The following GPC5 variants were observed in gnomAD, a reference collection of about 807,000 sequenced individuals.
GPC5 encodes the protein glypican-5.
In GPC5, 47 loss-of-function variants were observed where a neutral mutation model predicts 53.9. The observed-to-expected ratio is 0.87, with a 90% CI of 0.69 to 1.11. GPC5 has a LOEUF of 1.11. Ranked by LOEUF, GPC5 falls within the 50% of genes most tolerant of loss-of-function variation. The probability of loss-of-function intolerance (pLI) is 0.00; values close to 1 mark genes in which losing one functional copy is unlikely to be tolerated. For missense variants in GPC5, 748 were observed against 713.1 expected, an observed-to-expected ratio of 1.05 and a Z score of -0.56; for synonymous variants, 286 against 263.3, an observed-to-expected ratio of 1.09 and a Z score of -0.84.
intron 5 of GPC5, among the ~76,000 whole-genome samples, chr13:91,828,686 A>C (rs780886761): frequency 6.6e-6 from 1 of 152,072 alleles, no homozygotes; most frequent in Non-Finnish European, 1.5e-5. Context: ...AAACTGAAGA[A>C]GCTCCAAATG....
At chr13:91,959,524 A>G (rs2040107206) in intron 6 of GPC5, among the ~76,000 whole-genome samples, 1 of 151,998 alleles carries the variant, frequency 6.6e-6, no homozygotes, top group Non-Finnish European at 1.5e-5. Context: ...GGAGGAAGGA[A>G]TTCTCCTTAA....
At chr13:92,592,185 C>T (rs1381669600) in intron 7 of GPC5, among the ~76,000 whole-genome samples, 4 of 152,148 alleles carry the variant, frequency 2.6e-5, no homozygotes, top group Admixed American at 6.5e-5. Flanking sequence ...ATCCACATCC[C>T]CTCCTAGCTG....
intron 7 of GPC5, among the ~76,000 whole-genome samples, chr13:92,478,942 T>A: frequency 6.6e-6 from 1 of 152,212 alleles, no homozygotes; most frequent in East Asian, 1.9e-4. Context: ...ACTCTGCCTC[T>A]GACTAGCAAT....
intron 7 of GPC5, among the ~76,000 whole-genome samples, chr13:92,604,027 G>C (rs902498101): frequency 6.6e-6 from 1 of 152,166 alleles, no homozygotes; most frequent in Non-Finnish European, 1.5e-5. Flanking sequence ...TCAAAAAGAA[G>C]AGAAGAATGT....
At chr13:92,293,546 T>C (rs1331727384) in intron 7 of GPC5, among the ~76,000 whole-genome samples, 2 of 151,928 alleles carry the variant, frequency 1.3e-5, no homozygotes, top group Non-Finnish European at 1.5e-5. Context: ...ATTAATTTTG[T>C]ATCCAGAGAC....
chr13:92,612,865 T>C (rs970115253), intron 7 of GPC5, among the ~76,000 whole-genome samples: 1 of 152,126 alleles, frequency 6.6e-6, no homozygotes, highest in Non-Finnish European at 1.5e-5. Flanking sequence ...AAAAGATGGA[T>C]ATGTAATTAA....
At chr13:92,407,760 A>G (rs1319345936) in intron 7 of GPC5, among the ~76,000 whole-genome samples, 1 of 152,162 alleles carries the variant, frequency 6.6e-6, no homozygotes, top group Non-Finnish European at 1.5e-5. Flanking sequence ...CTAATATAAA[A>G]TATTAAGACA....
At chr13:92,721,633 G>C (rs888607134) in intron 7 of GPC5, 9 of 152,180 alleles carry the variant, frequency 5.9e-5, no homozygotes, top group African/African-American at 1.9e-4. Context: ...GCTAGGCTTA[G>C]AAAGGAACTA....
chr13:92,273,938 A>G (rs1393776291), intron 7 of GPC5, among the ~76,000 whole-genome samples: 2 of 152,198 alleles, frequency 1.3e-5, no homozygotes, highest in Non-Finnish European at 2.9e-5. Context: ...TGCCAAACAT[A>G]GTCTAGAGGG....
intron 6 of GPC5, among the ~76,000 whole-genome samples, chr13:91,947,192 C>G (rs553355597): frequency 2.0e-5 from 3 of 152,006 alleles, no homozygotes; most frequent in Non-Finnish European, 2.9e-5. Context: ...TACAATGTTA[C>G]GTTTTCAGGT....
At position 92,204,139 on chromosome 13, in the gene GPC5, A is replaced by G. The variant is rs183788375; in HGVS notation, c.1561+59150A>G. ...GAGAATTTGTTTCTAGAAAACTTCT[A>G]TTAAATACTAAAGGGATTGTTCAGG... On this transcript the variant is annotated intron_variant, in intron 7 of 7. Coordinates refer to ENST00000377067, the MANE Select transcript of GPC5 (RefSeq NM_004466.6). Among the ~76,000 whole-genome samples, 34 of 152,324 alleles carry G rather than the reference A, an allele frequency of 2.2e-4. 1 individual carries two copies. The highest frequency in any genetic ancestry group is 7.7e-4 in the African/African-American group (32 of 41,576).
At chr13:91,728,477 C>A in intron 3 of GPC5, 55 bp from the exon 4 acceptor site, 14 of 1,546,202 alleles carry the variant, frequency 9.1e-6, no homozygotes, top group Non-Finnish European at 1.1e-5. Context: ...ACATCACATT[C>A]TCAGAAAGGT....
At chr13:91,415,915 T>C (rs1037579623) in intron 1 of GPC5, among the ~76,000 whole-genome samples, 1 of 152,196 alleles carries the variant, frequency 6.6e-6, no homozygotes, top group Non-Finnish European at 1.5e-5. Flanking sequence ...TTTTATCACA[T>C]TAATTTTTTT....
At chr13:92,278,327 A>C (rs565662832) in intron 7 of GPC5, among the ~76,000 whole-genome samples, 18 of 152,154 alleles carry the variant, frequency 1.2e-4, no homozygotes, top group Non-Finnish European at 2.5e-4. Context: ...CTATATATGC[A>C]GCAAGAAGTG....
chr13:91,529,780 T>C (rs1432337475), intron 2 of GPC5, among the ~76,000 whole-genome samples: 4 of 152,200 alleles, frequency 2.6e-5, no homozygotes, highest in African/African-American at 9.7e-5. Flanking sequence ...CTGGGGATTT[T>C]CCCCTGGGAG....
At chr13:92,061,540 C>T (rs751139510) in intron 6 of GPC5, among the ~76,000 whole-genome samples, 20 of 151,994 alleles carry the variant, frequency 1.3e-4, no homozygotes, top group African/African-American at 2.4e-4. Context: ...TTTATGGGAA[C>T]GAAATTATTG....
At chr13:91,984,894 A>G (rs2040392676) in intron 6 of GPC5, among the ~76,000 whole-genome samples, 1 of 152,234 alleles carries the variant, frequency 6.6e-6, no homozygotes, top group African/African-American at 2.4e-5. Flanking sequence ...GGTGTAAAAT[A>G]TAATCTACCT....
rs549445600 is a variant in GPC5, at chr13:92,155,604, T to C, written c.1561+10615T>C. 1.0e-3 allele frequency among the ~76,000 whole-genome samples: 155 copies of C among 152,300 alleles called. 3 individuals carry two copies. Among genetic ancestry groups the C allele is most frequent in the South Asian group, 5.8e-3 (28 of 4,834 alleles). The stretch of plus-strand genomic sequence containing the variant: ...TGAATTTTCTTTATCTTCAGCTTTT[T>C]CCTCAACCTTTTTGATCTTCGCTCA... On this transcript the variant is annotated intron_variant, in intron 7 of 7. Transcript: ENST00000377067.
chr13:92,315,567 G>A (rs1216217630), intron 7 of GPC5, among the ~76,000 whole-genome samples: 2 of 152,088 alleles, frequency 1.3e-5, no homozygotes, highest in African/African-American at 2.4e-5. Flanking sequence ...CTTGGTCATG[G>A]GTCTCTGTAC....
Sources: allele counts gnomAD v4.1 joint callset (sites outside exome capture counted in the v4.1 genomes callset), GRCh38; gene constraint gnomAD v4.1.1; transcripts MANE v1.5; gene names NCBI Gene and HGNC (gene_info 2026-07-23, HGNC 2026-07-21).